Variants in CADM2 observed in about 807,000 individuals in gnomAD.
CADM2 encodes cell adhesion molecule 2, also known as immunoglobulin superfamily member 4D.
In CADM2, 12 loss-of-function variants were observed where a neutral mutation model predicts 49.8. That is an observed-to-expected ratio of 0.24 (90% CI 0.15 to 0.39). The LOEUF (loss-of-function observed/expected upper bound fraction) is 0.39. Ranked by LOEUF, CADM2 falls within the 10% of genes least tolerant of loss-of-function variation. The pLI, the probability that CADM2 is intolerant of heterozygous loss-of-function variation, is 1.00. For synonymous variants in CADM2, 214 were observed against 175.4 expected (o/e 1.22, Z -1.74); for missense variants, 378 against 492.3 (o/e 0.77, Z 2.20).
intron 1 of CADM2, among the ~76,000 whole-genome samples, chr3:85,504,526 G>A (rs2040240514): frequency 6.6e-6 from 1 of 152,206 alleles, no homozygotes; most frequent in African/African-American, 2.4e-5. Context: ...TGTTTTGACA[G>A]GGCGCTGATT....
rs944408051 is a variant in CADM2 at position 85,274,936 on chromosome 3, C to T, written c.61+315268C>T. Among the ~76,000 whole-genome samples the T allele has an allele frequency of 4.0e-5, 6 of 150,990 alleles. No individual in the cohort carries two copies. The East Asian group carries it at 5.9e-4, about 15-fold the overall frequency. ...GCAGGGGAGTAAGGCTGTGTGTACA[C>T]GAGAGTCAAAGAAGAGAATGTGTAA... On this transcript the variant is annotated intron_variant, in intron 1 of 9. Transcript: ENST00000383699.
rs58096314 is a variant in CADM2, at chr3:85,769,360, GTA to G, written c.89-32678_89-32677del. Among the ~76,000 whole-genome samples the G allele has an allele frequency of 7.2e-4, 58 of 80,588 alleles. 1 individual carries two copies. The highest frequency in any genetic ancestry group is 1.6e-3 in the African/African-American group (27 of 16,668). The allele number at this position is 80,588 out of a possible 152,430, so 52.9% of individuals were successfully genotyped here. A position where few individuals can be genotyped will look rare whatever the true frequency, so the allele number is the denominator to read the frequency against. ...ACGTATATACATATATACATATATA[GTA>G]TATATATACACGTATATACATATAT... On this transcript the variant is annotated intron_variant, in intron 2 of 9. Transcript: ENST00000383699.
intron 1 of CADM2, among the ~76,000 whole-genome samples, chr3:85,483,353 A>G (rs2107631441): frequency 6.6e-6 from 1 of 151,550 alleles, no homozygotes; most frequent in Non-Finnish European, 1.5e-5. Context: ...TGTAAATATA[A>G]GTATCATTTC....
chr3:85,028,853 C>A (rs1183197521), intron 1 of CADM2, among the ~76,000 whole-genome samples: 1 of 151,812 alleles, frequency 6.6e-6, no homozygotes, highest in Admixed American at 6.6e-5. Context: ...GACATCTCAA[C>A]TTTTTAAAAT....
At chr3:85,539,999 A>G (rs1448045586) in intron 1 of CADM2, among the ~76,000 whole-genome samples, 1 of 152,146 alleles carries the variant, frequency 6.6e-6, no homozygotes, top group Non-Finnish European at 1.5e-5. Context: ...AGGTATGATT[A>G]TTTCAGGAGA....
At chr3:85,422,405 G>T (rs2036214125) in intron 1 of CADM2, among the ~76,000 whole-genome samples, 1 of 152,012 alleles carries the variant, frequency 6.6e-6, no homozygotes. Context: ...AGCTTCCCGA[G>T]TAGCTGGGAC....
chr3:86,038,510 A>G (rs185880510), intron 8 of CADM2, among the ~76,000 whole-genome samples: 79 of 152,302 alleles, frequency 5.2e-4, no homozygotes, highest in African/African-American at 1.8e-3. Flanking sequence ...CCTTCGAAAC[A>G]TGTCCTACTT....
chr3:86,004,976 C>T (rs992510754), intron 8 of CADM2, among the ~76,000 whole-genome samples: 1 of 152,198 alleles, frequency 6.6e-6, no homozygotes, highest in Admixed American at 6.5e-5. Context: ...GGGCCACATG[C>T]TTTACCATGC....
intron 5 of CADM2, among the ~76,000 whole-genome samples, chr3:85,893,847 A>G (rs572537585): frequency 1.3e-5 from 2 of 152,270 alleles, no homozygotes; most frequent in South Asian, 4.1e-4. Flanking sequence ...TCAGGAAACA[A>G]CAGGTGCTAG....
intron 1 of CADM2, among the ~76,000 whole-genome samples, chr3:84,986,810 G>C (rs2032588773): frequency 6.6e-6 from 1 of 151,806 alleles, no homozygotes; most frequent in Non-Finnish European, 1.5e-5. Flanking sequence ...GTTTGACTTT[G>C]GGAGCTTGAG....
chr3:85,697,833 A>G (rs2066618548), intron 1 of CADM2, among the ~76,000 whole-genome samples: 1 of 152,218 alleles, frequency 6.6e-6, no homozygotes, highest in African/African-American at 2.4e-5. Context: ...CAAAATTATA[A>G]CACTTATGTA....
At chr3:85,386,926 A>G (rs2034262945) in intron 1 of CADM2, among the ~76,000 whole-genome samples, 1 of 152,124 alleles carries the variant, frequency 6.6e-6, no homozygotes, top group African/African-American at 2.4e-5. Context: ...AATAAAAATC[A>G]TTCCCTTCAG....
chr3:85,071,019 T>TAAAC lies in CADM2; in HGVS notation c.61+111355_61+111358dup, dbSNP rs1553679029. The stretch of plus-strand genomic sequence containing the variant: ...ATAAATAAATAAATAAATAAATAAA[T>TAAAC]AAACAAATAAATAAATAAATAAAAT... On this transcript the variant is annotated intron_variant, in intron 1 of 9. Coordinates refer to ENST00000383699, the MANE Select transcript of CADM2 (RefSeq NM_001167675.2). Among the ~76,000 whole-genome samples, 1,272 of 149,724 alleles carry TAAAC rather than the reference T, an allele frequency of 8.5e-3. 10 individuals carry two copies. The highest frequency in any genetic ancestry group is 0.02 in the African/African-American group (827 of 40,998).
At chr3:85,295,673 A>G (rs1449041899) in intron 1 of CADM2, among the ~76,000 whole-genome samples, 1 of 152,132 alleles carries the variant, frequency 6.6e-6, no homozygotes, top group Non-Finnish European at 1.5e-5. Context: ...CATCATTCTC[A>G]GTAAACTATC....
chr3:85,485,027 A>G (rs982714851), intron 1 of CADM2, among the ~76,000 whole-genome samples: 2 of 151,970 alleles, frequency 1.3e-5, no homozygotes, highest in Non-Finnish European at 2.9e-5. Context: ...AGAAAGCAAA[A>G]CAATGTGATG....
chr3:85,460,210 A>T (rs911516113), intron 1 of CADM2, among the ~76,000 whole-genome samples: 5 of 152,094 alleles, frequency 3.3e-5, no homozygotes, highest in Admixed American at 6.6e-5. Flanking sequence ...TTTTCAACTA[A>T]CTCAGATTAG....
intron 8 of CADM2, among the ~76,000 whole-genome samples, chr3:86,060,868 G>A (rs542684519): frequency 4.2e-4 from 64 of 152,052 alleles, no homozygotes; most frequent in African/African-American, 1.5e-3. Flanking sequence ...TGTAGTCCCA[G>A]CTGCTCAGGA....
At chr3:85,459,553 T>C (rs1440230714) in intron 1 of CADM2, among the ~76,000 whole-genome samples, 1 of 152,236 alleles carries the variant, frequency 6.6e-6, no homozygotes, top group African/African-American at 2.4e-5. Flanking sequence ...TACATTCTTA[T>C]TAATATCAAA....
chr3:85,504,349 G>C (rs1290229309), intron 1 of CADM2, among the ~76,000 whole-genome samples: 1 of 152,142 alleles, frequency 6.6e-6, no homozygotes, highest in Non-Finnish European at 1.5e-5. Context: ...AAGGCAGTGT[G>C]GACCCAAAGA....
Sources: allele counts gnomAD v4.1 joint callset (sites outside exome capture counted in the v4.1 genomes callset), GRCh38; gene constraint gnomAD v4.1.1; transcripts MANE v1.5; gene names NCBI Gene and HGNC (gene_info 2026-07-23, HGNC 2026-07-21).